PDCD6IP: variants seen among roughly 807,000 people sequenced by gnomAD.
PDCD6IP encodes programmed cell death 6-interacting protein.
In PDCD6IP, 43 loss-of-function variants were observed where a neutral mutation model predicts 103.7. The ratio of observed to expected loss-of-function variants is 0.41; its 90% CI spans 0.32 to 0.53. PDCD6IP has a LOEUF of 0.53. Among genes scored for constraint, PDCD6IP ranks in the 20% least tolerant of loss-of-function variants. The pLI is 0.16. For synonymous variants in PDCD6IP, 354 were observed against 378.7 expected, an observed-to-expected ratio of 0.93 and a Z score of 0.76; for missense variants, 871 against 1,036.7, an observed-to-expected ratio of 0.84 and a Z score of 2.20.
At chr3:33,835,357 C>G in intron 7 of PDCD6IP, 1 of 453,022 alleles carries the variant, frequency 2.2e-6, no homozygotes, top group Non-Finnish European at 4.4e-6. Flanking sequence ...TTTCCAGACC[C>G]TTGTTTCAGT....
chr3:33,857,161 A>G (rs1384189833), intron 15 of PDCD6IP, among the ~76,000 whole-genome samples: 1 of 151,556 alleles, frequency 6.6e-6, no homozygotes, highest in Non-Finnish European at 1.5e-5. Context: ...AATGTTTTAA[A>G]AATGGTTCTA....
At chr3:33,825,050 G>C (rs1697086278) in intron 4 of PDCD6IP, 137 bp from the exon 5 acceptor site, 3 of 705,488 alleles carry the variant, frequency 4.3e-6, no homozygotes, top group Non-Finnish European at 2.4e-6. Context: ...AGATGTTTTA[G>C]ATTGGTTTTG....
intron 9 of PDCD6IP, among the ~76,000 whole-genome samples, chr3:33,838,752 ATATG>A (rs1238671837): frequency 6.6e-6 from 1 of 150,418 alleles, no homozygotes; most frequent in Non-Finnish European, 1.5e-5. Flanking sequence ...TATTATATGT[ATATG>A]TGTGTGTGTG....
chr3:33,844,882 G>A (rs1037725445), intron 11 of PDCD6IP, among the ~76,000 whole-genome samples: 46 of 152,090 alleles, frequency 3.0e-4, no homozygotes, highest in African/African-American at 1.1e-3. Flanking sequence ...AAAAAAATGA[G>A]CTTTAAGTTA....
Position 33,840,366 on chromosome 3 carries a change from C to A in PDCD6IP, c.1182-1531C>A, listed in dbSNP as rs578013387. ...AAGGAGGGTTGGTCTTGCTGTCTTA[C>A]AGGTGGCAGAGGTGAAAGAGGTGAA... On this transcript the variant is annotated intron_variant, in intron 9 of 17. Transcript: ENST00000307296. 1.2e-3 allele frequency among the ~76,000 whole-genome samples: 189 copies of A among 152,278 alleles called. 1 individual carries two copies. The highest frequency in any genetic ancestry group is 4.2e-3 in the African/African-American group (176 of 41,556).
intron 12 of PDCD6IP, 97 bp from the exon 13 acceptor site, chr3:33,852,391 C>G: frequency 7.0e-7 from 1 of 1,432,806 alleles, no homozygotes; most frequent in Non-Finnish European, 9.1e-7. Context: ...TCATCTCTCT[C>G]TCAGCCCGAA....
chr3:33,810,267 G>A (rs1357517997), intron 1 of PDCD6IP, among the ~76,000 whole-genome samples: 2 of 152,152 alleles, frequency 1.3e-5, no homozygotes, highest in Non-Finnish European at 2.9e-5. Flanking sequence ...CCGAATGGTG[G>A]TCTTTTCCTC....
At chr3:33,859,817 T>A (rs1697912532) in intron 15 of PDCD6IP, among the ~76,000 whole-genome samples, 1 of 152,152 alleles carries the variant, frequency 6.6e-6, no homozygotes, top group African/African-American at 2.4e-5. Flanking sequence ...AGCCATTCTG[T>A]TTTTGGGAGT....
chr3:33,812,611 T>C lies in PDCD6IP; in HGVS notation c.264+485T>C, dbSNP rs139616576. Among the ~76,000 whole-genome samples the C allele has an allele frequency of 5.4e-3, 826 of 152,366 alleles. 6 individuals are homozygous for C. Among genetic ancestry groups the C allele is most frequent in the African/African-American group, 0.018 (748 of 41,598 alleles). On this transcript the variant is annotated intron_variant, in intron 2 of 17. Coordinates refer to ENST00000307296, the MANE Select transcript of PDCD6IP (RefSeq NM_013374.6). ...TGTTGAAAATGCTGATAATTTCTTA[T>C]AGTTTTATTTTGGAGATTGGATAAA... is the stretch of plus-strand genomic sequence containing the variant.
intron 8 of PDCD6IP, among the ~76,000 whole-genome samples, chr3:33,836,926 TTC>T (rs1367191218): frequency 2.0e-5 from 3 of 151,364 alleles, no homozygotes; most frequent in Non-Finnish European, 2.9e-5. Context: ...TTTTTTTCTT[TTC>T]TTTTTTTTTT....
At chr3:33,848,064 T>G (rs1031673258) in intron 12 of PDCD6IP, among the ~76,000 whole-genome samples, 1 of 152,206 alleles carries the variant, frequency 6.6e-6, no homozygotes, top group Non-Finnish European at 1.5e-5. Flanking sequence ...GGAGTGCCTT[T>G]TTTGGATTCA....
At position 33,798,917 on chromosome 3, in the gene PDCD6IP, C is replaced by T; in HGVS notation, c.189C>T (p.Gly63=). The T allele has an allele frequency of 1.3e-6, 2 of 1,540,214 alleles. No homozygotes were observed. Among genetic ancestry groups the T allele is most frequent in the Admixed American group, 2.0e-5 (1 of 50,768 alleles). ...GTCGTCCGCTGGACAAGCACGAGGG[C>T]GCGCTCGAGACGCTCCTGAGGTGGG... ...AVGRPLDKHE[G]ALETLLRYYD... The change falls in exon 1 of 18, where the codon GGC becomes GGT. Residue 63 remains glycine (G), a synonymous_variant. Transcript: ENST00000307296.
intron 12 of PDCD6IP, among the ~76,000 whole-genome samples, chr3:33,847,521 T>C (rs1174768130): frequency 1.3e-5 from 2 of 152,222 alleles, no homozygotes; most frequent in Non-Finnish European, 2.9e-5. Flanking sequence ...GTTATAATAG[T>C]TGATGACGGA....
At chr3:33,855,114 T>C in intron 14 of PDCD6IP, 52 bp from the exon 15 acceptor site, 1 of 1,119,554 alleles carries the variant, frequency 8.9e-7, no homozygotes, top group East Asian at 2.4e-5. Context: ...CATTACTCTC[T>C]GGATTAAAAA....
At chr3:33,816,784 T>C (rs1255088305) in intron 3 of PDCD6IP, among the ~76,000 whole-genome samples, 1 of 152,160 alleles carries the variant, frequency 6.6e-6, no homozygotes, top group Admixed American at 6.6e-5. Context: ...GGGAGCATCA[T>C]TCTGAGAGGG....
At chr3:33,802,428 C>G (rs780433763) in intron 1 of PDCD6IP, among the ~76,000 whole-genome samples, 1 of 152,056 alleles carries the variant, frequency 6.6e-6, no homozygotes, top group African/African-American at 2.4e-5. Flanking sequence ...CTCCCTACCC[C>G]ACTTAGCAGT....
chr3:33,798,659 CCTCT>C lies in PDCD6IP; in HGVS notation c.-64_-61del, dbSNP rs766391698. On this transcript the variant is annotated 5_prime_UTR_variant, in exon 1 of 18. Coordinates refer to ENST00000307296, the MANE Select transcript of PDCD6IP (RefSeq NM_013374.6). Reference sequence around the variant, plus strand: ...AGTCCGCCAGTCCGCCAGCCCAGTACCTCTCTCTCCTCGGCCCTCGTAAGCTGTC... The same window carrying C: ...AGTCCGCCAGTCCGCCAGCCCAGTACCTCTCCTCGGCCCTCGTAAGCTGTC... 23 of 1,371,668 alleles carry C rather than the reference CCTCT, an allele frequency of 1.7e-5. No homozygotes were observed. Among genetic ancestry groups the C allele is most frequent in the Admixed American group, 5.0e-5 (2 of 39,798 alleles). The allele number at this position is 1,371,668 out of a possible 1,614,324, so 85.0% of individuals were successfully genotyped here. A position where few individuals can be genotyped will look rare whatever the true frequency, so the allele number is the denominator to read the frequency against.
At position 33,838,226 on chromosome 3, in the gene PDCD6IP, C is replaced by G. The variant is rs761425267; in HGVS notation, c.1080C>G (p.Pro360=). The change falls in exon 9 of 18, where the codon CCC becomes CCG. Residue 360 remains proline, a synonymous_variant. Coordinates refer to ENST00000307296, the MANE Select transcript of PDCD6IP (RefSeq NM_013374.6). ...KFTDLFEKMV[P]VSVQQSLAAY... ...TAGATCTGTTTGAGAAGATGGTTCC[C>G]GTGTCAGTACAGCAGTCTTTGGCTG... is the stretch of plus-strand genomic sequence containing the variant. 3 of 1,613,288 alleles carry G rather than the reference C, an allele frequency of 1.9e-6. No individual in the cohort carries two copies. The highest frequency in any genetic ancestry group is 2.5e-6 in the Non-Finnish European group (3 of 1,179,574).
chr3:33,838,005 C>T (rs1386504253), intron 8 of PDCD6IP, among the ~76,000 whole-genome samples, 199 bp from the exon 9 acceptor site: 2 of 152,076 alleles, frequency 1.3e-5, no homozygotes, highest in East Asian at 1.9e-4. Context: ...TCATTGTTGC[C>T]GTTGTCCATG....
Sources: allele counts gnomAD v4.1 joint callset (sites outside exome capture counted in the v4.1 genomes callset), GRCh38; gene constraint gnomAD v4.1.1; transcripts MANE v1.5; gene names NCBI Gene and HGNC (gene_info 2026-07-23, HGNC 2026-07-21).